Variants in DISP3 observed in about 807,000 individuals in gnomAD.
The protein encoded by DISP3 is protein dispatched homolog 3.
In DISP3, 101 loss-of-function variants were observed where a neutral mutation model predicts 135.3. The observed-to-expected ratio is 0.75, with a 90% confidence interval of 0.64 to 0.88. The LOEUF is 0.88. Ranked by LOEUF, DISP3 falls within the 40% of genes least tolerant of loss-of-function variation. The pLI is 0.00. For missense variants in DISP3, 1,713 were observed against 1,878.6 expected (o/e 0.91, Z 1.63); for synonymous variants, 856 against 817.0 (o/e 1.05, Z -0.81).
Position 11,536,344 on chromosome 1 carries a change from G to A in DISP3, c.3837G>A (p.Gln1279=), listed in dbSNP as rs1234504525. ...CCCAGGACGCCCGAACGCAGCGCCA[G>A]TGGCGTACGCTGGAGGCCGTGCGGC... is the stretch of plus-strand genomic sequence containing the variant. ...HQAEDARTQR[Q]WRTLEAVRHV... Residue 1279 remains glutamine, a synonymous_variant, in exon 21 of 21, where the codon CAG becomes CAA. Coordinates refer to ENST00000294484, the MANE Select transcript of DISP3 (RefSeq NM_020780.2). The surrounding 1 kb of genome is among the most constrained non-coding windows in gnomAD (Gnocchi z 4.3). 1.2e-6 allele frequency: 2 copies of A among 1,603,134 alleles called. No individual in the cohort carries two copies. The highest frequency in any genetic ancestry group is 1.7e-6 in the Non-Finnish European group (2 of 1,179,668).
intron 1 of DISP3, among the ~76,000 whole-genome samples, chr1:11,487,271 G>C (rs1046816425): frequency 1.3e-5 from 2 of 152,212 alleles, no homozygotes; most frequent in Non-Finnish European, 2.9e-5. Flanking sequence ...AGCCTGGGGA[G>C]GGGGAGAGGG....
chr1:11,536,911 A>C lies in DISP3; in HGVS notation c.*225A>C. On this transcript the variant is annotated 3_prime_UTR_variant, in exon 21 of 21. Transcript: ENST00000294484. This position sits in a 1 kb window ranked among gnomAD's most constrained non-coding sequence, Gnocchi z 4.3. The stretch of plus-strand genomic sequence containing the variant: ...CACAGGCCGGGCTACTGGCAGCCAC[A>C]CTCGGCTTTTTGCCCAGTGGCAGAA... 3 of 625,328 alleles carry C rather than the reference A, an allele frequency of 4.8e-6. No homozygotes were observed. The highest frequency in any genetic ancestry group is 2.9e-5 in the East Asian group (1 of 34,320). The allele number at this position is 625,328 out of a possible 1,614,324, so 38.7% of individuals were successfully genotyped here.
intron 3 of DISP3, 74 bp downstream of exon 3, chr1:11,502,971 A>T: frequency 7.9e-7 from 1 of 1,271,644 alleles, no homozygotes; most frequent in Non-Finnish European, 1.1e-6. Context: ...CTTAAACCCC[A>T]TATCCCTTTC....
intron 1 of DISP3, among the ~76,000 whole-genome samples, chr1:11,487,750 A>C (rs889803513): frequency 1.3e-5 from 2 of 151,966 alleles, no homozygotes; most frequent in African/African-American, 2.4e-5. Flanking sequence ...CCCCACCCTC[A>C]TCCCATTCTG....
intron 1 of DISP3, among the ~76,000 whole-genome samples, chr1:11,486,594 G>A (rs959349550): frequency 1.3e-5 from 2 of 152,200 alleles, no homozygotes; most frequent in Non-Finnish European, 2.9e-5. Flanking sequence ...GTTCTTGGGA[G>A]TTAATGAACA....
chr1:11,493,465 C>T (rs567394269), intron 1 of DISP3, among the ~76,000 whole-genome samples: 2 of 152,360 alleles, frequency 1.3e-5, no homozygotes, highest in African/African-American at 2.4e-5. Context: ...TGGCTCACTC[C>T]TGTAATCCTA....
intron 12 of DISP3, among the ~76,000 whole-genome samples, chr1:11,525,918 T>G (rs1557618430): frequency 6.6e-6 from 1 of 152,162 alleles, no homozygotes; most frequent in East Asian, 1.9e-4. Context: ...CAAGCGATCC[T>G]CTCTCATCAG....
chr1:11,525,153 T>A (rs1469819337), intron 11 of DISP3, 23 bp from the exon 12 acceptor site: 2 of 1,611,972 alleles, frequency 1.2e-6, no homozygotes, highest in Non-Finnish European at 1.7e-6. Context: ...TCCACCCCTC[T>A]TTCATCCCTT....
At chr1:11,486,257 G>A (rs961252656) in intron 1 of DISP3, among the ~76,000 whole-genome samples, 1 of 152,168 alleles carries the variant, frequency 6.6e-6, no homozygotes, top group African/African-American at 2.4e-5. Context: ...GTATTTGTTG[G>A]TTTTAAGGCA....
chr1:11,493,349 T>C (rs916531522), intron 1 of DISP3, among the ~76,000 whole-genome samples: 7 of 152,244 alleles, frequency 4.6e-5, no homozygotes, highest in African/African-American at 1.7e-4. Flanking sequence ...AGCCTTTTCA[T>C]TCTATTCAGA....
intron 10 of DISP3, among the ~76,000 whole-genome samples, chr1:11,521,141 C>T (rs934327940): frequency 2.6e-5 from 4 of 151,952 alleles, no homozygotes; most frequent in African/African-American, 7.2e-5. Flanking sequence ...TGAGCTTTGG[C>T]GGAGGAAGAA....
chr1:11,486,825 G>A (rs767276147), intron 1 of DISP3, among the ~76,000 whole-genome samples: 3 of 152,040 alleles, frequency 2.0e-5, no homozygotes, highest in Non-Finnish European at 2.9e-5. Flanking sequence ...CTACGGGTGC[G>A]CATGACCACG....
chr1:11,533,917 TCA>T (rs1405700872), intron 17 of DISP3: 35 of 712,572 alleles, frequency 4.9e-5, no homozygotes, highest in Non-Finnish European at 8.6e-5. Context: ...CCCTTGCAAT[TCA>T]CAGTCCCACC....
chr1:11,523,938 G>A lies in DISP3; in HGVS notation c.2363-4G>A, dbSNP rs377345219. 1.4e-5 allele frequency: 22 copies of A among 1,609,876 alleles called. No homozygotes were observed. In the African/African-American group the frequency reaches 1.7e-4, roughly 13 times the overall value. On this transcript the variant is annotated splice_region_variant and splice_polypyrimidine_tract_variant and intron_variant, in intron 10 of 20. Transcript: ENST00000294484. ...GCTGTCCTTGACATGGCGCTGGGGG[G>A]CAGGTCTGTTCCAGGAGAAGCCCCA...
At chr1:11,496,263 A>G (rs1444602626) in intron 1 of DISP3, among the ~76,000 whole-genome samples, 1 of 152,104 alleles carries the variant, frequency 6.6e-6, no homozygotes, top group Non-Finnish European at 1.5e-5. Context: ...CTTTCCCAAG[A>G]GGAGGATGGT....
At chr1:11,526,876 G>T in intron 13 of DISP3, 41 bp downstream of exon 13, 1 of 1,574,896 alleles carries the variant, frequency 6.3e-7, no homozygotes, top group Non-Finnish European at 8.6e-7. Context: ...CATCAGCCCG[G>T]CTGCTTCTTT....
chr1:11,517,728 G>A, intron 7 of DISP3, 126 bp downstream of exon 7: 1 of 1,269,086 alleles, frequency 7.9e-7, no homozygotes. Flanking sequence ...CAGGGAACAG[G>A]GAAGGAGAAG....
Position 11,536,554 on chromosome 1 carries a change from C to T in DISP3, c.4047C>T (p.Phe1349=), listed in dbSNP as rs779546649. ...TGGGCATCATGGCGCCCAGCTCTTT[C>T]ACTCGGACCCGGACTTCCTTCCTCA... The part of the protein sequence containing the change: ...ALLGIMAPSS[F]TRTRTSFLKA... The change falls in exon 21 of 21, where the codon TTC becomes TTT. Residue 1349 remains phenylalanine, a synonymous_variant. Transcript: ENST00000294484. The surrounding 1 kb of genome is among the most constrained non-coding windows in gnomAD (Gnocchi z 4.3). The T allele has an allele frequency of 2.5e-6, 4 of 1,612,714 alleles. No homozygotes were observed. The highest frequency in any genetic ancestry group is 4.5e-5 in the East Asian group (2 of 44,878).
At chr1:11,522,750 A>AGCCAGGGCCCAGCCAGAG (rs1642262990) in intron 10 of DISP3, among the ~76,000 whole-genome samples, 1 of 25,248 alleles carries the variant, frequency 4.0e-5, no homozygotes, top group Non-Finnish European at 7.7e-5. Context: ...CCCAGCCAGG[A>AGCCAGGGCCCAGCCAGAG]CCCAGCCAGG....
Sources: gnomAD v4.1 joint callset for allele counts (sites outside exome capture counted in the v4.1 genomes callset) on GRCh38, gnomAD v4.1.1 for gene constraint, Gnocchi (gnomAD v3.1) non-coding constraint, MANE v1.5 for transcripts, NCBI Gene and HGNC (gene_info 2026-07-23, HGNC 2026-07-21) for gene names.